The following AFAP1 variants were observed in gnomAD, a reference collection of about 807,000 sequenced individuals.
AFAP1 encodes actin filament-associated protein 1.
In AFAP1, 75 loss-of-function variants were observed where a neutral mutation model predicts 93.9. The observed-to-expected ratio is 0.80, with a 90% CI of 0.66 to 0.97. The LOEUF (loss-of-function observed/expected upper bound fraction) is 0.97. Ranked by LOEUF, AFAP1 falls within the 50% of genes least tolerant of loss-of-function variation. AFAP1 has a pLI of 0.00. For synonymous variants in AFAP1, 517 were observed against 430.7 expected, an observed-to-expected ratio of 1.20 and a Z score of -2.48; for missense variants, 1,201 against 1,050.8, an observed-to-expected ratio of 1.14 and a Z score of -1.98.
rs1713596949 is a variant in AFAP1, at chr4:7,760,277, C to G, written c.*3488G>C. 6.6e-6 allele frequency: 1 copy of G among 152,364 alleles called. No homozygotes were observed. Among genetic ancestry groups the G allele is most frequent in the African/African-American group, 2.4e-5 (1 of 41,594 alleles). 9.4% of individuals were successfully genotyped at this position (152,364 alleles called of 1,614,324 possible). A position where few individuals can be genotyped will look rare whatever the true frequency, so the allele number is the denominator to read the frequency against. On this transcript the variant is annotated 3_prime_UTR_variant, in exon 18 of 18. Transcript: ENST00000420658. Reference sequence around the variant, plus strand: ...TATTTAGAAATGGCCAGTAATAATTCTGGGATGAGTAAGATACAGGGGAAG... The same window carrying G: ...TATTTAGAAATGGCCAGTAATAATTGTGGGATGAGTAAGATACAGGGGAAG...
chr4:7,831,393 TAAAA>T (rs34512873), intron 6 of AFAP1, among the ~76,000 whole-genome samples: 3 of 137,846 alleles, frequency 2.2e-5, no homozygotes, highest in Admixed American at 7.3e-5. Flanking sequence ...CAGCAAATGC[TAAAA>T]AAAAAAAAAA....
chr4:7,921,455 G>A (rs1720437383), intron 1 of AFAP1, among the ~76,000 whole-genome samples: 1 of 149,288 alleles, frequency 6.7e-6, no homozygotes, highest in African/African-American at 2.5e-5. Flanking sequence ...AAAGCGCTAG[G>A]ATTACAGGCA....
chr4:7,900,940 G>C (rs1205566685), intron 1 of AFAP1, among the ~76,000 whole-genome samples: 2 of 152,134 alleles, frequency 1.3e-5, no homozygotes, highest in African/African-American at 4.8e-5. Flanking sequence ...CACTTCTCTT[G>C]GTCCTGTTTC....
chr4:7,781,595 G>C lies in AFAP1; in HGVS notation c.1563C>G (p.Cys521Trp). ...WEPEDGFPAS[C>W]SRGLGEEVLY... ...GCACCTCTTCTCCCAAGCCTCTGCT[G>C]CAGGAAGCAGGAAAGCCGTCTTCCG... Residue 521 changes from cysteine to tryptophan, a missense_variant, in exon 13 of 18, where the codon TGC (cysteine) becomes TGG (tryptophan). By Grantham distance (215) the Cys-to-Trp change is radical (BLOSUM62 -2). Coordinates refer to ENST00000420658, the MANE Select transcript of AFAP1 (RefSeq NM_001134647.2). The C allele has an allele frequency of 6.4e-7, 1 of 1,551,830 alleles. No homozygotes were observed. Among genetic ancestry groups the C allele is most frequent in the African/African-American group, 1.4e-5 (1 of 73,174 alleles).
intron 1 of AFAP1, among the ~76,000 whole-genome samples, chr4:7,883,602 G>A (rs1267855539): frequency 6.6e-6 from 1 of 152,198 alleles, no homozygotes; most frequent in Non-Finnish European, 1.5e-5. Flanking sequence ...GGCAGCTGAT[G>A]TGAAAGTAAA....
chr4:7,843,033 T>C (rs1713244802), intron 5 of AFAP1, 106 bp downstream of exon 5: 2 of 1,287,942 alleles, frequency 1.6e-6, no homozygotes, highest in Admixed American at 2.0e-5. Flanking sequence ...GACACCTGAG[T>C]GCTGCCCTTC....
chr4:7,883,908 C>A (rs891745760), intron 1 of AFAP1, among the ~76,000 whole-genome samples: 3 of 152,192 alleles, frequency 2.0e-5, no homozygotes, highest in Non-Finnish European at 2.9e-5. Flanking sequence ...AAATATATTT[C>A]GAGCAATAGC....
intron 9 of AFAP1, among the ~76,000 whole-genome samples, chr4:7,806,969 G>A (rs904891364): frequency 6.6e-6 from 1 of 152,260 alleles, no homozygotes; most frequent in African/African-American, 2.4e-5. Flanking sequence ...ATCTTTCGGG[G>A]GAAGGGATAA....
rs556296039 is a variant in AFAP1 at position 7,890,076 on chromosome 4, A to AAATTGGCC, written c.-2-18004_-2-17997dup. Among the ~76,000 whole-genome samples, 10 of 152,040 alleles carry AAATTGGCC rather than the reference A, an allele frequency of 6.6e-5. No individual in the cohort carries two copies. The South Asian group carries it at 1.9e-3, about 28-fold the overall frequency. On this transcript the variant is annotated intron_variant, in intron 1 of 17. Transcript: ENST00000420658. The stretch of plus-strand genomic sequence containing the variant: ...CAAAAAGAACAAAGAACTAGAACAC[A>AAATTGGCC]AATTGGCCAAACGAGGTGGAGAAAA...
intron 1 of AFAP1, among the ~76,000 whole-genome samples, chr4:7,897,470 T>C (rs1023679031): frequency 6.6e-6 from 1 of 152,178 alleles, no homozygotes; most frequent in Admixed American, 6.5e-5. Context: ...CTCATCTTCT[T>C]TGGAGTCTCT....
At chr4:7,855,357 A>G in intron 4 of AFAP1, 109 bp downstream of exon 4, 1 of 830,520 alleles carries the variant, frequency 1.2e-6, no homozygotes, top group Non-Finnish European at 1.9e-6. Context: ...TACTTGGCCC[A>G]CAGTGTTTTA....
intron 4 of AFAP1, among the ~76,000 whole-genome samples, chr4:7,846,003 A>G (rs1385552969): frequency 6.6e-6 from 1 of 152,226 alleles, no homozygotes; most frequent in African/African-American, 2.4e-5. Flanking sequence ...CTTTAGAGCC[A>G]GGCCTTGAGA....
At chr4:7,842,985 C>T (rs1713236474) in intron 5 of AFAP1, 154 bp downstream of exon 5, 4 of 799,870 alleles carry the variant, frequency 5.0e-6, no homozygotes, top group Non-Finnish European at 7.8e-6. Flanking sequence ...TGTGGGGGCC[C>T]CTGGCATGGT....
chr4:7,934,461 T>C (rs1029379813), intron 1 of AFAP1, among the ~76,000 whole-genome samples: 3 of 152,196 alleles, frequency 2.0e-5, no homozygotes, highest in Non-Finnish European at 4.4e-5. Flanking sequence ...TTGTCAACAC[T>C]ATATATGACA....
At chr4:7,937,035 A>T (rs1721427764) in intron 1 of AFAP1, among the ~76,000 whole-genome samples, 1 of 152,230 alleles carries the variant, frequency 6.6e-6, no homozygotes, top group Non-Finnish European at 1.5e-5. Context: ...AGATCAACAA[A>T]ATGCTCCTGA....
Position 7,809,718 on chromosome 4 carries a change from G to C in AFAP1, c.950C>G (p.Ser317Trp). The change falls in exon 9 of 18, where the codon TCG becomes TGG. Residue 317 changes from serine to tryptophan, a missense_variant. Coordinates refer to ENST00000420658, the MANE Select transcript of AFAP1 (RefSeq NM_001134647.2). ...GGTGATTTTTTTCCCAGTGACTTTC[G>C]ACACAGTGCCCTTGGCCTCTGATTT... The part of the protein sequence containing the change: ...SSKSEAKGTV[S>W]KVTGKKITKI... The C allele has an allele frequency of 6.2e-7, 1 of 1,613,388 alleles. No homozygotes were observed. The highest frequency in any genetic ancestry group is 8.5e-7 in the Non-Finnish European group (1 of 1,179,782).
chr4:7,921,437 C>T (rs187256456), intron 1 of AFAP1, among the ~76,000 whole-genome samples: 10 of 151,870 alleles, frequency 6.6e-5, no homozygotes, highest in African/African-American at 2.2e-4. Context: ...CGCCTGTCTC[C>T]GCCTCTCAAA....
At chr4:7,891,260 G>A (rs1043544435) in intron 1 of AFAP1, among the ~76,000 whole-genome samples, 2 of 152,206 alleles carry the variant, frequency 1.3e-5, no homozygotes, top group Non-Finnish European at 2.9e-5. Flanking sequence ...GCGGTTGCCC[G>A]GGTCTGTGTC....
chr4:7,923,906 G>A (rs1720571616), intron 1 of AFAP1, among the ~76,000 whole-genome samples: 1 of 152,180 alleles, frequency 6.6e-6, no homozygotes, highest in African/African-American at 2.4e-5. Flanking sequence ...GAGAATCTGG[G>A]GGAGACATAA....
Sources: allele counts gnomAD v4.1 joint callset (sites outside exome capture counted in the v4.1 genomes callset), GRCh38; gene constraint gnomAD v4.1.1; transcripts MANE v1.5; gene names NCBI Gene and HGNC (gene_info 2026-07-23, HGNC 2026-07-21).